Variants in KLRG1 observed in about 807,000 individuals in gnomAD.
The protein encoded by KLRG1 is killer cell lectin like receptor G1.
Under a neutral mutation model 21.8 loss-of-function variants are expected in KLRG1, and 16 were observed. The observed-to-expected ratio is 0.73, with a 90% CI of 0.50 to 1.11. The LOEUF is 1.11. Ranked by LOEUF, KLRG1 falls within the 50% of genes most tolerant of loss-of-function variation. The pLI, the probability that KLRG1 is intolerant of heterozygous loss-of-function variation, is 0.00. For missense variants in KLRG1, 173 were observed against 218.3 expected, an observed-to-expected ratio of 0.79 and a Z score of 1.31; for synonymous variants, 69 against 75.9, an observed-to-expected ratio of 0.91 and a Z score of 0.47.
the KLRG1 span, among the ~76,000 whole-genome samples, chr12:9,116,475 G>C: frequency 1.3e-5 from 2 of 152,132 alleles, no homozygotes; most frequent in Non-Finnish European, 2.9e-5. Flanking sequence ...TCATAGAAAA[G>C]AGTTTCCTGT....
At chr12:9,201,018 G>C in the KLRG1 span, 1 of 1,614,120 alleles carries the variant, frequency 6.2e-7, no homozygotes, top group Non-Finnish European at 8.5e-7. Flanking sequence ...CCAGCTTCTA[G>C]CTTGAGACTC....
chr12:9,152,144 G>A, the KLRG1 span: 1 of 1,072,080 alleles, frequency 9.3e-7, no homozygotes, highest in South Asian at 1.3e-5. Context: ...ACATGGTTTT[G>A]ATATTGGTAT....
chr12:9,152,100 G>A, the KLRG1 span: 4 of 794,646 alleles, frequency 5.0e-6, no homozygotes, highest in Non-Finnish European at 4.3e-6. Context: ...TCCTGGGTTT[G>A]GGAAAAATAT....
chr12:9,011,748 C>T (rs1359057067), downstream of KLRG1, among the ~76,000 whole-genome samples: 1 of 152,186 alleles, frequency 6.6e-6, no homozygotes, highest in East Asian at 1.9e-4. Flanking sequence ...CTTGATTTGC[C>T]AATGCCACCC....
the KLRG1 span, chr12:9,079,576 A>G: frequency 1.4e-6 from 2 of 1,477,148 alleles, no homozygotes; most frequent in Non-Finnish European, 1.9e-6. Context: ...AAGTAACTGA[A>G]ACCTACTGGG....
the KLRG1 span, among the ~76,000 whole-genome samples, chr12:9,197,604 TA>T: frequency 9.8e-6 from 1 of 102,140 alleles, no homozygotes; most frequent in Admixed American, 1.6e-4. Flanking sequence ...ATAAATATAA[TA>T]TATATTATAT....
chr12:8,981,208 CA>C (rs1013597543), intron 1 of KLRG1, among the ~76,000 whole-genome samples: 1 of 152,168 alleles, frequency 6.6e-6, no homozygotes, highest in African/African-American at 2.4e-5. Context: ...TTAATCTTGT[CA>C]AAGAACCAAA....
intron 3 of KLRG1, among the ~76,000 whole-genome samples, chr12:8,997,205 TA>T (rs1274372140): frequency 4.6e-5 from 7 of 152,182 alleles, no homozygotes; most frequent in Non-Finnish European, 8.8e-5. Flanking sequence ...TATTTTCTCC[TA>T]AGGCTCCTTG....
the KLRG1 span, among the ~76,000 whole-genome samples, chr12:9,211,001 G>A: frequency 1.0e-3 from 155 of 152,152 alleles, no homozygotes; most frequent in Non-Finnish European, 1.9e-3. Context: ...CTTGCAAGAC[G>A]CATACACAGG....
intron 1 of KLRG1, among the ~76,000 whole-genome samples, chr12:8,961,486 C>T (rs879882523): frequency 1.3e-5 from 2 of 152,150 alleles, no homozygotes; most frequent in Non-Finnish European, 1.5e-5. Flanking sequence ...GATCTCAGCT[C>T]ACTGCAACCT....
At chr12:9,193,506 T>C in the KLRG1 span, among the ~76,000 whole-genome samples, 131,841 of 152,080 alleles carry the variant, frequency 0.87, 57,844 homozygotes, top group East Asian at 0.98. Context: ...CTAGGGAGAG[T>C]GAGTGTCTAT....
the KLRG1 span, among the ~76,000 whole-genome samples, chr12:9,114,768 ATTTAAC>A: frequency 6.6e-6 from 1 of 152,088 alleles, no homozygotes; most frequent in Non-Finnish European, 1.5e-5. Context: ...GGGTAGGTAA[ATTTAAC>A]TTTAACTCCT....
the KLRG1 span, chr12:9,098,730 TTGTGA>T: frequency 6.2e-7 from 1 of 1,613,030 alleles, no homozygotes; most frequent in Non-Finnish European, 8.5e-7. Flanking sequence ...CTGGGAGACT[TTGTGA>T]TGGGCTGAAG....
the KLRG1 span, chr12:9,070,618 T>G: frequency 7.2e-7 from 1 of 1,393,652 alleles, no homozygotes; most frequent in South Asian, 1.2e-5. Context: ...GTTTTCTGTG[T>G]TTTTAAATAT....
the KLRG1 span, among the ~76,000 whole-genome samples, chr12:9,069,498 T>C: frequency 2.0e-5 from 3 of 152,210 alleles, no homozygotes; most frequent in African/African-American, 7.2e-5. Context: ...AAACACATTT[T>C]GTGAAGATTT....
chr12:9,090,220 C>A, the KLRG1 span: 1 of 1,438,030 alleles, frequency 7.0e-7, no homozygotes, highest in Non-Finnish European at 9.6e-7. Flanking sequence ...TTGTAGGCAT[C>A]TTAGAATAAA....
At chr12:9,205,013 A>G in the KLRG1 span, among the ~76,000 whole-genome samples, 2 of 152,140 alleles carry the variant, frequency 1.3e-5, no homozygotes, top group Admixed American at 1.3e-4. Flanking sequence ...AAGAAGGATC[A>G]CTTAAGCCCA....
At chr12:9,031,733 C>A in the KLRG1 span, among the ~76,000 whole-genome samples, 2 of 152,204 alleles carry the variant, frequency 1.3e-5, no homozygotes, top group East Asian at 3.8e-4. Flanking sequence ...CAATCAAACA[C>A]ACTTAAGAAA....
At chr12:9,090,418 G>GGC in the KLRG1 span, 1 of 1,613,998 alleles carries the variant, frequency 6.2e-7, no homozygotes, top group Non-Finnish European at 8.5e-7. Flanking sequence ...GATGCAGTGA[G>GGC]GCGCTTGTTC....
Sources: gnomAD v4.1 joint callset for allele counts (sites outside exome capture counted in the v4.1 genomes callset) on GRCh38, gnomAD v4.1.1 for gene constraint, MANE v1.5 for transcripts, NCBI Gene and HGNC (gene_info 2026-07-23, HGNC 2026-07-21) for gene names.